Variants in SRFBP1 observed in about 807,000 individuals in gnomAD.
SRFBP1 encodes the protein serum response factor binding protein 1.
Under a neutral mutation model 45.5 loss-of-function variants are expected in SRFBP1, and 47 were observed. The ratio of observed to expected loss-of-function variants is 1.03; its 90% CI spans 0.82 to 1.32. The LOEUF (loss-of-function observed/expected upper bound fraction) is 1.32, where lower values mean the gene tolerates loss of function less well. Ranked by LOEUF, SRFBP1 falls within the 40% of genes most tolerant of loss-of-function variation. The pLI is 0.00. For missense variants in SRFBP1, 621 were observed against 484.6 expected, an observed-to-expected ratio of 1.28 and a Z score of -2.64; for synonymous variants, 203 against 166.3, an observed-to-expected ratio of 1.22 and a Z score of -1.70.
intron 1 of SRFBP1, among the ~76,000 whole-genome samples, chr5:121,964,577 A>C (rs540136464): frequency 2.0e-5 from 3 of 152,150 alleles, no homozygotes; most frequent in African/African-American, 7.2e-5. Flanking sequence ...CCGCATTTTC[A>C]TTATCCAGTC....
intron 1 of SRFBP1, among the ~76,000 whole-genome samples, chr5:121,963,756 A>G (rs1752001136): frequency 6.6e-6 from 1 of 152,184 alleles, no homozygotes; most frequent in African/African-American, 2.4e-5. Flanking sequence ...AGCAGGAACT[A>G]CACACATCCA....
intron 4 of SRFBP1, 128 bp from the exon 5 acceptor site, chr5:122,019,132 G>C (rs1410848993): frequency 1.3e-6 from 1 of 749,964 alleles, no homozygotes; most frequent in East Asian, 2.9e-5. Context: ...TCTTATCTAA[G>C]GAGAATATTA....
chr5:122,063,370 G>T (rs983946191), intron 2 of SRFBP1: 2 of 151,814 alleles, frequency 1.3e-5, no homozygotes, highest in South Asian at 4.1e-4. Context: ...TGAAAAATTT[G>T]GGAGAAGCTA....
In SRFBP1 at chr5:121,984,147, A is replaced by C. The variant is rs75875680; in HGVS notation, c.198+8760A>C. Among the ~76,000 whole-genome samples, 618 of 151,902 alleles carry C rather than the reference A, an allele frequency of 4.1e-3. 14 individuals carry two copies. The East Asian group carries it at 0.053, about 13-fold the overall frequency. Reference sequence around the variant, plus strand: ...ATTTTCACAGCTTTCACCAACCTCTAAAGTAGTGATTTTATTGGGAAAGAT... The same window carrying C: ...ATTTTCACAGCTTTCACCAACCTCTCAAGTAGTGATTTTATTGGGAAAGAT... On this transcript the variant is annotated intron_variant, in intron 3 of 7. Coordinates refer to ENST00000339397, the MANE Select transcript of SRFBP1 (RefSeq NM_152546.3).
intron 2 of SRFBP1, among the ~76,000 whole-genome samples, chr5:122,055,037 G>A (rs1191380932): frequency 1.3e-5 from 2 of 152,216 alleles, no homozygotes; most frequent in South Asian, 2.1e-4. Flanking sequence ...AATTGTTATT[G>A]TCTTAGCCTG....
At chr5:121,979,386 T>C (rs1580503500) in intron 3 of SRFBP1, among the ~76,000 whole-genome samples, 1 of 151,870 alleles carries the variant, frequency 6.6e-6, no homozygotes, top group African/African-American at 2.4e-5. Flanking sequence ...CTTTGGTAAG[T>C]TTTTTTTCCT....
intron 4 of SRFBP1, among the ~76,000 whole-genome samples, chr5:122,012,864 G>T (rs17148697): frequency 0.044 from 6,735 of 152,094 alleles, 175 homozygotes; most frequent in African/African-American, 0.06. Context: ...GAAGTAATTG[G>T]TAATATCCTC....
In SRFBP1 at chr5:121,962,068, G is replaced by C. The variant is rs370809249; in HGVS notation, c.36G>C (p.Glu12Asp). 5.6e-6 allele frequency: 9 copies of C among 1,614,048 alleles called. No individual in the cohort carries two copies. The highest frequency in any genetic ancestry group is 1.1e-5 in the South Asian group (1 of 91,086). ...AQPGTLNLNNEVVKMRKEVKR... is the reference protein window; with the variant it reads ...AQPGTLNLNNDVVKMRKEVKR... ...CGGGAACTCTGAACCTCAATAACGA[G>C]GTGAGCGCCGAGGAACCTATGGGGC... Residue 12 changes from glutamate (E) to aspartate (D), a missense_variant and splice_region_variant, in exon 1 of 8, where the codon GAG becomes GAC. Glu to Asp is a conservative substitution (Grantham distance 45). Transcript: ENST00000339397.
At chr5:122,055,277 A>G (rs1754059358) in intron 2 of SRFBP1, among the ~76,000 whole-genome samples, 1 of 152,168 alleles carries the variant, frequency 6.6e-6, no homozygotes, top group Non-Finnish European at 1.5e-5. Flanking sequence ...CCCACTCATG[A>G]GCACTCCACC....
At chr5:122,033,349 A>G (rs756689855), downstream of SRFBP1, among the ~76,000 whole-genome samples, 8 of 152,080 alleles carry the variant, frequency 5.3e-5, no homozygotes, top group African/African-American at 4.8e-5. Context: ...AATCAGATGC[A>G]TGAGTTTCTC....
rs553477528 is a variant in SRFBP1, at chr5:122,025,834, C to G, written c.1106-1108C>G. ...GCTTCTGACAGGCCGAGCACGGTGG[C>G]TCATGCCTGTAATCCCAGCACTTTG... On this transcript the variant is annotated intron_variant, in intron 7 of 7. Coordinates refer to ENST00000339397, the MANE Select transcript of SRFBP1 (RefSeq NM_152546.3). 1.1e-4 allele frequency among the ~76,000 whole-genome samples: 16 copies of G among 152,310 alleles called. No individual in the cohort carries two copies. In the East Asian group the frequency reaches 2.5e-3, roughly 24 times the overall value.
intron 2 of SRFBP1, among the ~76,000 whole-genome samples, chr5:122,057,294 A>G (rs1303351081): frequency 1.3e-5 from 2 of 152,218 alleles, no homozygotes; most frequent in Non-Finnish European, 2.9e-5. Context: ...AGCACCTTGA[A>G]TATCTTTCAT....
chr5:121,974,198 T>C lies in SRFBP1; in HGVS notation c.39T>C (p.Val13=), dbSNP rs75126858. ...QPGTLNLNNE[V]VKMRKEVKRI... is the part of the protein sequence containing the mutation. ...AATTATTGCTTTATTCTTCAAAGGT[T>C]GTGAAGATGAGAAAAGAAGTGAAGA... is the stretch of plus-strand genomic sequence containing the variant. Residue 13 remains valine, a splice_region_variant and synonymous_variant, in exon 2 of 8, where the codon GTT becomes GTC. Transcript: ENST00000339397. 5.9e-3 allele frequency: 9,416 copies of C among 1,608,884 alleles called. 295 individuals are homozygous for C. In the East Asian group the frequency reaches 0.066, roughly 11 times the overall value.
intron 1 of SRFBP1, among the ~76,000 whole-genome samples, chr5:121,968,874 C>CAGATATACTTAGATT (rs11269452): frequency 0.081 from 12,388 of 152,182 alleles, 803 homozygotes; most frequent in African/African-American, 0.17. Flanking sequence ...CTTAGAAACA[C>CAGATATACTTAGATT]TTTCTTAACA....
rs74774667 is a variant in SRFBP1, at chr5:122,058,843, G to A, written n.312-16472G>A. ...GTGTTTGTGAAGCACTGGTAGCATGGTACCTCAGTGAAATGAGCATTATTT... is the reference window on the plus strand; with the variant it reads ...GTGTTTGTGAAGCACTGGTAGCATGATACCTCAGTGAAATGAGCATTATTT... On this transcript the variant is annotated intron_variant and non_coding_transcript_variant, in intron 2 of 2. Transcript: ENST00000504881. Among the ~76,000 whole-genome samples the A allele has an allele frequency of 5.7e-3, 867 of 152,160 alleles. 11 individuals carry two copies. Among genetic ancestry groups the A allele is most frequent in the African/African-American group, 0.02 (819 of 41,514 alleles).
chr5:121,972,484 GTTAA>G (rs1332375451), intron 1 of SRFBP1, among the ~76,000 whole-genome samples: 7 of 151,834 alleles, frequency 4.6e-5, no homozygotes, highest in Non-Finnish European at 8.8e-5. Flanking sequence ...TCCACTTGAG[GTTAA>G]TTATGATGAA....
intron 4 of SRFBP1, among the ~76,000 whole-genome samples, chr5:122,012,126 A>T (rs180964420): frequency 6.6e-6 from 1 of 152,130 alleles, no homozygotes; most frequent in African/African-American, 2.4e-5. Flanking sequence ...TGGCTAGGTA[A>T]TCTTGAAATC....
chr5:122,037,682 T>A (rs1272070892), intron 2 of SRFBP1, among the ~76,000 whole-genome samples: 3 of 151,992 alleles, frequency 2.0e-5, no homozygotes, highest in African/African-American at 7.3e-5. Context: ...GTATTCTTTT[T>A]TTTTTTTGGT....
At position 122,020,525 on chromosome 5, in the gene SRFBP1, A is replaced by G. The variant is rs753872921; in HGVS notation, c.790A>G (p.Ser264Gly). Residue 264 changes from serine (S) to glycine (G), a missense_variant, in exon 6 of 8, where the codon AGC becomes GGC. Coordinates refer to ENST00000339397, the MANE Select transcript of SRFBP1 (RefSeq NM_152546.3). ...AGAGGAGAAGGAATATTTTGATGAT[A>G]GCACAGAAGAAAGGTTTTACAAGCA... ...CEEEKEYFDD[S>G]TEERFYKQSS... The G allele has an allele frequency of 6.2e-7, 1 of 1,614,184 alleles. No individual in the cohort carries two copies. Among genetic ancestry groups the G allele is most frequent in the Non-Finnish European group, 8.5e-7 (1 of 1,179,998 alleles).
Sources: gnomAD v4.1 joint callset for allele counts (sites outside exome capture counted in the v4.1 genomes callset) on GRCh38, gnomAD v4.1.1 for gene constraint, MANE v1.5 for transcripts, NCBI Gene and HGNC (gene_info 2026-07-23, HGNC 2026-07-21) for gene names.